The following C12orf56 variants were observed in gnomAD, a reference collection of about 807,000 sequenced individuals.
C12orf56 encodes chromosome 12 open reading frame 56.
In C12orf56, 71 loss-of-function variants were observed where a neutral mutation model predicts 69.9. That is an observed-to-expected ratio of 1.02 (90% CI 0.84 to 1.24). C12orf56 has a LOEUF of 1.24. C12orf56 is among the 50% of genes most tolerant of loss of function. The pLI, the probability that C12orf56 is intolerant of heterozygous loss-of-function variation, is 0.00. For missense variants in C12orf56, 732 were observed against 738.5 expected (o/e 0.99, Z 0.10); for synonymous variants, 276 against 274.1 (o/e 1.01, Z -0.07).
chr12:64,326,509 A>C (rs1199475649), intron 3 of C12orf56, among the ~76,000 whole-genome samples: 3 of 152,142 alleles, frequency 2.0e-5, no homozygotes, highest in Admixed American at 6.6e-5. Flanking sequence ...AGCCGAGGTG[A>C]GTGGATTACA....
At chr12:64,358,482 A>AATAATAATAATCATCATCATCATCATC (rs11275269) in intron 1 of C12orf56, among the ~76,000 whole-genome samples, 56 of 125,940 alleles carry the variant, frequency 4.4e-4, no homozygotes, top group Non-Finnish European at 8.2e-4. Context: ...TAATAATAAT[A>AATAATAATAATCATCATCATCATCATC]ATCATCATCA....
rs184590130 is a variant in C12orf56, at chr12:64,369,809, C to T, written c.253-16753G>A. On this transcript the variant is annotated intron_variant, in intron 1 of 12. Transcript: ENST00000543942. ...CAGCCTGGCCAACATGGTGAAACCC[C>T]GTCTCTACTAAAAATACAAAAAAAT... 1.4e-4 allele frequency among the ~76,000 whole-genome samples: 21 copies of T among 149,084 alleles called. 1 individual carries two copies. In the Middle Eastern group the frequency reaches 0.011, roughly 79 times the overall value.
chr12:64,268,610 A>G (rs2037942356), intron 12 of C12orf56, among the ~76,000 whole-genome samples: 1 of 152,168 alleles, frequency 6.6e-6, no homozygotes, highest in Admixed American at 6.5e-5. Flanking sequence ...GGTGATGAAA[A>G]TGGTGTGCAA....
intron 1 of C12orf56, among the ~76,000 whole-genome samples, chr12:64,387,077 C>CAAAAAAAAAAAAAAAAAAAAAAAAA (rs869290282): frequency 3.1e-4 from 13 of 42,106 alleles, no homozygotes; most frequent in Admixed American, 4.6e-4. Flanking sequence ...GACTCTATCT[C>CAAAAAAAAAAAAAAAAAAAAAAAAA]AAAAAAAAAA....
chr12:64,380,117 A>C (rs1215038351), intron 1 of C12orf56, among the ~76,000 whole-genome samples: 3 of 80,650 alleles, frequency 3.7e-5, no homozygotes, highest in Non-Finnish European at 9.0e-5. Flanking sequence ...AAAAAAAAAA[A>C]AAAAAAAAAA....
chr12:64,270,745 C>A, intron 11 of C12orf56, 31 bp from the exon 12 acceptor site: 1 of 1,540,810 alleles, frequency 6.5e-7, no homozygotes, highest in Non-Finnish European at 8.8e-7. Context: ...TACATGTAGG[C>A]TGTGTGCCAC....
In C12orf56 at chr12:64,303,777, G is replaced by T; in HGVS notation, c.971C>A (p.Ser324Tyr). 1 of 1,576,504 alleles carries T rather than the reference G, an allele frequency of 6.3e-7. No individual in the cohort carries two copies. Among genetic ancestry groups the T allele is most frequent in the South Asian group, 1.2e-5 (1 of 82,358 alleles). The stretch of plus-strand genomic sequence containing the variant: ...ACTGAAGTGCTTAATTTTCTCCTCA[G>T]ACCTACAGAAACAGAAGAAAATTTT... ...PAIGSQKPYR[S>Y]EEKIKHFSQL... Residue 324 changes from serine to tyrosine, a missense_variant and splice_region_variant, in exon 6 of 13, where the codon TCT becomes TAT. Physicochemically the swap from Ser to Tyr is moderately radical, Grantham distance 144. Transcript: ENST00000543942.
chr12:64,380,126 A>AC (rs2039698325), intron 1 of C12orf56, among the ~76,000 whole-genome samples: 1 of 79,572 alleles, frequency 1.3e-5, no homozygotes, highest in African/African-American at 4.1e-5. Flanking sequence ...AAAAAAAAAA[A>AC]AAAAAAAACA....
intron 3 of C12orf56, among the ~76,000 whole-genome samples, chr12:64,320,331 C>T (rs2038755073): frequency 6.6e-6 from 1 of 152,084 alleles, no homozygotes; most frequent in Non-Finnish European, 1.5e-5. Flanking sequence ...GGAGCAAGGA[C>T]ACCCCGGTAA....
chr12:64,354,244 C>T (rs1161580607), intron 1 of C12orf56, among the ~76,000 whole-genome samples: 1 of 152,200 alleles, frequency 6.6e-6, no homozygotes, highest in Admixed American at 6.5e-5. Context: ...CAGCCTACTT[C>T]ACTTTCTATG....
intron 1 of C12orf56, among the ~76,000 whole-genome samples, chr12:64,361,315 C>A (rs868760574): frequency 6.6e-6 from 1 of 152,158 alleles, no homozygotes; most frequent in African/African-American, 2.4e-5. Context: ...TGAACCAGAG[C>A]AACTCCATCT....
intron 6 of C12orf56, among the ~76,000 whole-genome samples, chr12:64,296,269 G>A (rs969185016): frequency 3.3e-5 from 5 of 152,238 alleles, no homozygotes; most frequent in Admixed American, 1.3e-4. Flanking sequence ...CTCAGAGAAA[G>A]AGGACAGCTG....
chr12:64,275,744 AG>A (rs1167618490), intron 9 of C12orf56, among the ~76,000 whole-genome samples: 3 of 152,064 alleles, frequency 2.0e-5, no homozygotes, highest in Admixed American at 6.6e-5. Flanking sequence ...CTAGGACTAC[AG>A]GTATGTGCCA....
intron 3 of C12orf56, among the ~76,000 whole-genome samples, chr12:64,329,525 ATTTATTTT>A (rs1479983338): frequency 1.6e-5 from 2 of 126,150 alleles, no homozygotes; most frequent in Non-Finnish European, 3.6e-5. Flanking sequence ...TTATTTATTT[ATTTATTTT>A]TTATTATTAC....
intron 3 of C12orf56, among the ~76,000 whole-genome samples, chr12:64,328,724 T>TAG (rs1359497999): frequency 2.2e-4 from 10 of 45,974 alleles, no homozygotes; most frequent in Middle Eastern, 0.024. Flanking sequence ...TATATATATA[T>TAG]ATATATATAT....
intron 1 of C12orf56, among the ~76,000 whole-genome samples, chr12:64,355,520 A>G (rs150606764): frequency 5.0e-4 from 76 of 152,308 alleles, no homozygotes; most frequent in Non-Finnish European, 6.5e-4. Flanking sequence ...TTTGTGCTCA[A>G]TATAATGAAA....
At chr12:64,295,437 T>C (rs1015581238) in intron 6 of C12orf56, among the ~76,000 whole-genome samples, 1 of 152,086 alleles carries the variant, frequency 6.6e-6, no homozygotes, top group African/African-American at 2.4e-5. Context: ...GGCAGGCAGA[T>C]CACTTGAGTC....
intron 1 of C12orf56, among the ~76,000 whole-genome samples, chr12:64,383,355 T>G (rs1216017364): frequency 6.6e-6 from 1 of 151,850 alleles, no homozygotes; most frequent in Non-Finnish European, 1.5e-5. Flanking sequence ...TTTGTTTAAT[T>G]GGATTTTCCT....
chr12:64,365,160 TC>T (rs2039447799), intron 1 of C12orf56, among the ~76,000 whole-genome samples: 2 of 118,926 alleles, frequency 1.7e-5, no homozygotes, highest in African/African-American at 5.5e-5. Flanking sequence ...TTAAAGCTGT[TC>T]CTTTTTTTTT....
Sources: allele counts gnomAD v4.1 joint callset (sites outside exome capture counted in the v4.1 genomes callset), GRCh38; gene constraint gnomAD v4.1.1; transcripts MANE v1.5; gene names NCBI Gene and HGNC (gene_info 2026-07-23, HGNC 2026-07-21).